Variants in STARD13 observed in about 807,000 individuals in gnomAD.
The protein encoded by STARD13 is StAR related lipid transfer domain containing 13, also known as stAR-related lipid transfer protein 13.
A neutral mutation model predicts 106.4 loss-of-function variants in STARD13; 62 were observed. The ratio of observed to expected loss-of-function variants is 0.58; its 90% CI spans 0.48 to 0.72. The LOEUF is 0.72. Ranked by LOEUF, STARD13 falls within the 30% of genes least tolerant of loss-of-function variation. The probability of loss-of-function intolerance (pLI) is 0.00; values close to 1 mark genes in which losing one functional copy is unlikely to be tolerated. For missense variants in STARD13, 1,387 were observed against 1,424.0 expected (o/e 0.97, Z 0.42); for synonymous variants, 565 against 553.0 (o/e 1.02, Z -0.31).
chr13:33,558,430 A>G, the STARD13 span, among the ~76,000 whole-genome samples: 1 of 152,234 alleles, frequency 6.6e-6, no homozygotes, highest in Non-Finnish European at 1.5e-5. Context: ...GCACATTTAT[A>G]TACTTTCTTT....
intron 4 of STARD13, among the ~76,000 whole-genome samples, chr13:33,131,505 C>A (rs1230492345): frequency 6.6e-6 from 1 of 151,846 alleles, no homozygotes; most frequent in East Asian, 1.9e-4. Context: ...GTGAAGTCAT[C>A]AAGAGCCGGG....
the STARD13 span, among the ~76,000 whole-genome samples, chr13:33,576,509 CA>C: frequency 6.6e-6 from 1 of 152,060 alleles, no homozygotes; most frequent in Non-Finnish European, 1.5e-5. Flanking sequence ...GTTGGGATTA[CA>C]GGCATGAGCC....
At chr13:33,240,258 C>A (rs886799986) in intron 1 of STARD13, among the ~76,000 whole-genome samples, 11 of 152,122 alleles carry the variant, frequency 7.2e-5, no homozygotes. Context: ...TGTCTTCATG[C>A]CGGTAACATA....
the STARD13 span, among the ~76,000 whole-genome samples, chr13:33,430,168 C>T: frequency 3.3e-5 from 5 of 152,330 alleles, no homozygotes; most frequent in East Asian, 7.7e-4. Flanking sequence ...CCACCCGCCT[C>T]GGCCTCCCAA....
chr13:33,213,369 C>T (rs534546027), intron 1 of STARD13, among the ~76,000 whole-genome samples: 123 of 152,128 alleles, frequency 8.1e-4, no homozygotes, highest in Non-Finnish European at 1.4e-3. Context: ...ACTGGGGAGT[C>T]GTATTGAAAA....
At chr13:33,372,469 C>T in the STARD13 span, among the ~76,000 whole-genome samples, 1 of 151,182 alleles carries the variant, frequency 6.6e-6, no homozygotes, top group African/African-American at 2.4e-5. Context: ...TGAAAATGAC[C>T]CCAGGAAAGC....
the STARD13 span, among the ~76,000 whole-genome samples, chr13:33,639,041 T>C: frequency 6.6e-6 from 1 of 152,082 alleles, no homozygotes; most frequent in Non-Finnish European, 1.5e-5. Context: ...GGAGATAAAG[T>C]AGTGAATAAA....
intron 1 of STARD13, chr13:33,276,845 G>GT (rs1460888216): frequency 6.6e-6 from 1 of 152,110 alleles, no homozygotes; most frequent in Non-Finnish European, 1.5e-5. Context: ...CAAATCATTT[G>GT]TATTTTAGTA....
intron 1 of STARD13, among the ~76,000 whole-genome samples, chr13:33,223,513 GC>G (rs1888462530): frequency 6.6e-6 from 1 of 152,028 alleles, no homozygotes; most frequent in African/African-American, 2.4e-5. Flanking sequence ...ACAAAAATTA[GC>G]CAGGTGAGGT....
the STARD13 span, among the ~76,000 whole-genome samples, chr13:33,634,061 T>C: frequency 2.0e-5 from 3 of 152,240 alleles, no homozygotes; most frequent in Non-Finnish European, 4.4e-5. Context: ...TGATCATTTT[T>C]AATGTATTGA....
At chr13:33,516,355 T>C in the STARD13 span, among the ~76,000 whole-genome samples, 2 of 151,544 alleles carry the variant, frequency 1.3e-5, no homozygotes, top group East Asian at 3.9e-4. Flanking sequence ...CTTTTCTTAC[T>C]TACCTTAAGA....
chr13:33,153,486 A>G (rs988014160), intron 3 of STARD13, among the ~76,000 whole-genome samples: 1 of 152,086 alleles, frequency 6.6e-6, no homozygotes, highest in African/African-American at 2.4e-5. Flanking sequence ...GCCGGGAGGG[A>G]TGTTAAGCAG....
At chr13:33,204,707 T>A (rs1887291256) in intron 1 of STARD13, among the ~76,000 whole-genome samples, 1 of 152,236 alleles carries the variant, frequency 6.6e-6, no homozygotes, top group Admixed American at 6.5e-5. Flanking sequence ...ATGAAATCAA[T>A]CAGCAAGGAT....
the STARD13 span, among the ~76,000 whole-genome samples, chr13:33,421,484 C>A: frequency 1.3e-5 from 2 of 152,086 alleles, no homozygotes; most frequent in Non-Finnish European, 2.9e-5. Flanking sequence ...TGTCCAGGAC[C>A]AGATGGATTC....
chr13:33,362,163 C>T, the STARD13 span, among the ~76,000 whole-genome samples: 11 of 152,142 alleles, frequency 7.2e-5, no homozygotes, highest in African/African-American at 2.7e-4. Context: ...ACAAGCGAGG[C>T]ACCAACATCT....
intron 1 of STARD13, among the ~76,000 whole-genome samples, chr13:33,250,135 C>G (rs961495589): frequency 3.3e-5 from 5 of 152,020 alleles, no homozygotes; most frequent in Non-Finnish European, 5.9e-5. Flanking sequence ...TTTACACACC[C>G]TTATTTTGTT....
chr13:33,506,810 G>C, the STARD13 span, among the ~76,000 whole-genome samples: 1 of 152,138 alleles, frequency 6.6e-6, no homozygotes, highest in South Asian at 2.1e-4. Flanking sequence ...TATCTAAAAA[G>C]GCTATTAAAA....
chr13:33,239,032 C>T (rs909354283), intron 1 of STARD13, among the ~76,000 whole-genome samples: 2 of 151,668 alleles, frequency 1.3e-5, no homozygotes, highest in African/African-American at 2.4e-5. Context: ...CTCCCCATTT[C>T]CCCCTCCCCC....
At chr13:33,555,698 C>G in the STARD13 span, among the ~76,000 whole-genome samples, 1 of 152,168 alleles carries the variant, frequency 6.6e-6, no homozygotes, top group Non-Finnish European at 1.5e-5. Context: ...CTGCTAGACA[C>G]TAGTTAAGTG....
Sources: allele counts gnomAD v4.1 joint callset (sites outside exome capture counted in the v4.1 genomes callset), GRCh38; gene constraint gnomAD v4.1.1; transcripts MANE v1.5; gene names NCBI Gene and HGNC (gene_info 2026-07-23, HGNC 2026-07-21).